FSTL1: variants seen among roughly 807,000 people sequenced by gnomAD.
FSTL1 encodes the protein follistatin like 1.
In FSTL1, 24 loss-of-function variants were observed where a neutral mutation model predicts 45.9. The ratio of observed to expected loss-of-function variants is 0.52; its 90% CI spans 0.38 to 0.74. FSTL1 has a LOEUF of 0.74. Among genes scored for constraint, FSTL1 ranks in the 30% least tolerant of loss-of-function variants. The pLI is 0.00. For missense variants in FSTL1, 340 were observed against 381.8 expected, an observed-to-expected ratio of 0.89 and a Z score of 0.91; for synonymous variants, 120 against 137.6, an observed-to-expected ratio of 0.87 and a Z score of 0.89.
chr3:120,398,038 G>C (rs1936737528), intron 10 of FSTL1, among the ~76,000 whole-genome samples: 1 of 152,182 alleles, frequency 6.6e-6, no homozygotes, highest in African/African-American at 2.4e-5. Context: ...AATATGTCCA[G>C]AACAGGCAAA....
intron 2 of FSTL1, among the ~76,000 whole-genome samples, chr3:120,450,475 C>G (rs1937864026): frequency 6.6e-6 from 1 of 152,154 alleles, no homozygotes; most frequent in South Asian, 2.1e-4. Context: ...GGCGGGGCTC[C>G]CGCTTACGGC....
At chr3:120,410,730 C>T (rs867434763) in intron 5 of FSTL1, 6 of 659,016 alleles carry the variant, frequency 9.1e-6, no homozygotes, top group Non-Finnish European at 1.7e-5. Context: ...TGGGAAAACA[C>T]AGCCAACATT....
intron 4 of FSTL1, chr3:120,411,201 A>T (rs1234227310): frequency 2.1e-6 from 1 of 485,950 alleles, no homozygotes; most frequent in Non-Finnish European, 3.8e-6. Flanking sequence ...CCACTGAGTT[A>T]CCCTTCTGGC....
At chr3:120,448,547 G>T (rs938784531) in intron 2 of FSTL1, among the ~76,000 whole-genome samples, 8 of 152,296 alleles carry the variant, frequency 5.3e-5, no homozygotes, top group Admixed American at 1.3e-4. Flanking sequence ...TAATAACCTG[G>T]AGCCATGAAA....
rs80249294 is a variant in FSTL1, at chr3:120,403,592, T to C, written c.582-238A>G. 6.6e-5 allele frequency among the ~76,000 whole-genome samples: 10 copies of C among 152,196 alleles called. 1 individual carries two copies. In the South Asian group the frequency reaches 1.2e-3, roughly 19 times the overall value. On this transcript the variant is annotated intron_variant, in intron 7 of 10. Coordinates refer to ENST00000295633, the MANE Select transcript of FSTL1 (RefSeq NM_007085.5). Reference sequence around the variant, plus strand: ...TCAGATCACCCAGGCTGTCCAAATGTTCCCCCCCTTAAGATGACTAAAGTT... The same window carrying C: ...TCAGATCACCCAGGCTGTCCAAATGCTCCCCCCCTTAAGATGACTAAAGTT...
At chr3:120,397,436 C>T (rs1936724895) in intron 10 of FSTL1, among the ~76,000 whole-genome samples, 1 of 152,206 alleles carries the variant, frequency 6.6e-6, no homozygotes, top group Admixed American at 6.5e-5. Flanking sequence ...TCTTCTGTGT[C>T]TCAATGTCTT....
At chr3:120,444,993 A>G (rs1351798874) in intron 2 of FSTL1, among the ~76,000 whole-genome samples, 1 of 149,854 alleles carries the variant, frequency 6.7e-6, no homozygotes, top group Non-Finnish European at 1.5e-5. Flanking sequence ...TTGCTGTCAT[A>G]AATAACATGA....
intron 2 of FSTL1, among the ~76,000 whole-genome samples, chr3:120,434,233 G>A (rs1937518506): frequency 6.6e-6 from 1 of 152,182 alleles, no homozygotes; most frequent in African/African-American, 2.4e-5. Flanking sequence ...CTGATAGACT[G>A]GGTATGAACA....
At chr3:120,449,564 T>C (rs147744542) in intron 2 of FSTL1, among the ~76,000 whole-genome samples, 1 of 152,340 alleles carries the variant, frequency 6.6e-6, no homozygotes, top group East Asian at 1.9e-4. Context: ...TTTTATTTCA[T>C]TGGCAGTAAA....
rs933084750 is a variant in FSTL1, at chr3:120,396,685, G to A, written c.*267C>T. On this transcript the variant is annotated 3_prime_UTR_variant, in exon 11 of 11. Coordinates refer to ENST00000295633, the MANE Select transcript of FSTL1 (RefSeq NM_007085.5). ...ATTTGGGTCTGTTCCTCTTTCAATC[G>A]TGATGCAGTTTCCTTACTAGCCTCC... The A allele has an allele frequency of 1.1e-5, 5 of 446,044 alleles. No individual in the cohort carries two copies. The highest frequency in any genetic ancestry group is 2.0e-5 in the Non-Finnish European group (5 of 250,012). 27.6% of individuals were successfully genotyped at this position (446,044 alleles called of 1,614,324 possible).
At chr3:120,435,601 T>C (rs1199546106) in intron 2 of FSTL1, among the ~76,000 whole-genome samples, 1 of 152,210 alleles carries the variant, frequency 6.6e-6, no homozygotes, top group Non-Finnish European at 1.5e-5. Flanking sequence ...ACTGGCAGTC[T>C]AGAGCCTCAG....
At position 120,395,651 on chromosome 3, in the gene FSTL1, G is replaced by T. The variant is rs748959579; in HGVS notation, c.*1301C>A. The T allele has an allele frequency of 1.3e-4, 72 of 533,920 alleles. 3 individuals are homozygous for T. The highest frequency in any genetic ancestry group is 1.0e-3 in the South Asian group (72 of 71,374). The allele number at this position is 533,920 out of a possible 1,614,324, so 33.1% of individuals were successfully genotyped here. A position where few individuals can be genotyped will look rare whatever the true frequency, so the allele number is the denominator to read the frequency against. On this transcript the variant is annotated 3_prime_UTR_variant, in exon 11 of 11. Transcript: ENST00000295633. ...TGTTTTTGGCCATCTGACATTTCTT[G>T]TTCTAGTAACAAGATTTCATTTATT...
chr3:120,393,292 A>T lies in FSTL1; in HGVS notation c.*3660T>A, dbSNP rs1247960814. On this transcript the variant is annotated 3_prime_UTR_variant, in exon 11 of 11. Coordinates refer to ENST00000295633, the MANE Select transcript of FSTL1 (RefSeq NM_007085.5). ...GAAAGCAAAACTTCCACATGACTGAACCGAAGAAACCTTAAACCTCATTGA... is the reference window on the plus strand; with the variant it reads ...GAAAGCAAAACTTCCACATGACTGATCCGAAGAAACCTTAAACCTCATTGA... The T allele has an allele frequency of 1.3e-5, 2 of 152,222 alleles. No homozygotes were observed. Among genetic ancestry groups the T allele is most frequent in the Non-Finnish European group, 2.9e-5 (2 of 68,048 alleles). 9.4% of individuals were successfully genotyped at this position (152,222 alleles called of 1,614,324 possible).
At chr3:120,433,402 GACTATC>G (rs1937509867) in intron 2 of FSTL1, among the ~76,000 whole-genome samples, 1 of 152,204 alleles carries the variant, frequency 6.6e-6, no homozygotes, top group South Asian at 2.1e-4. Context: ...GCACAGAGAT[GACTATC>G]ATTAAGATAC....
intron 9 of FSTL1, among the ~76,000 whole-genome samples, chr3:120,400,702 T>C (rs1185759395): frequency 6.6e-6 from 1 of 152,224 alleles, no homozygotes. Flanking sequence ...GCTTCAAATT[T>C]TGATGCCCCT....
chr3:120,409,541 C>T lies in FSTL1; in HGVS notation c.453G>A (p.Lys151=), dbSNP rs778663235. ...CCTACCTCTGGATTACCTTAAAATA[C>T]TTGTCTAGGATTTCACTGTAGTTGC... ...KGSNYSEILD[K]YFKNFDNGDS... The change falls in exon 6 of 11, where the codon AAG becomes AAA. Residue 151 remains lysine, a synonymous_variant. Coordinates refer to ENST00000295633, the MANE Select transcript of FSTL1 (RefSeq NM_007085.5). 3.7e-6 allele frequency: 6 copies of T among 1,613,812 alleles called. No individual in the cohort carries two copies. The highest frequency in any genetic ancestry group is 1.1e-5 in the South Asian group (1 of 91,074).
At chr3:120,445,366 T>C (rs1937714736) in intron 2 of FSTL1, among the ~76,000 whole-genome samples, 1 of 149,666 alleles carries the variant, frequency 6.7e-6, no homozygotes, top group Non-Finnish European at 1.5e-5. Flanking sequence ...AAACATGGAT[T>C]AAAAACTTGC....
chr3:120,412,836 GCGCACACACACACACA>G lies in FSTL1; in HGVS notation c.169-869_169-854del, dbSNP rs1166379475. ...CACACATGTGCGCGCGCGCGCGCGC[GCGCACACACACACACA>G]CACACACACACACACACACACACTC... is the stretch of plus-strand genomic sequence containing the variant. On this transcript the variant is annotated intron_variant, in intron 3 of 10. Transcript: ENST00000295633. Among the ~76,000 whole-genome samples the G allele has an allele frequency of 1.1e-3, 77 of 72,788 alleles. 3 individuals carry two copies. Among genetic ancestry groups the G allele is most frequent in the Admixed American group, 8.2e-4 (7 of 8,582 alleles). 47.8% of individuals were successfully genotyped at this position (72,788 alleles called of 152,430 possible). A position where few individuals can be genotyped will look rare whatever the true frequency, so the allele number is the denominator to read the frequency against.
chr3:120,410,885 A>G, intron 5 of FSTL1, 67 bp downstream of exon 5: 1 of 1,272,332 alleles, frequency 7.9e-7, no homozygotes, highest in Non-Finnish European at 1.2e-6. Flanking sequence ...ATTGTGGAAC[A>G]CAAAATTTCT....
Sources: allele counts gnomAD v4.1 joint callset (sites outside exome capture counted in the v4.1 genomes callset), GRCh38; gene constraint gnomAD v4.1.1; transcripts MANE v1.5; gene names NCBI Gene and HGNC (gene_info 2026-07-23, HGNC 2026-07-21).